The following DGCR2 variants were observed in gnomAD, a reference collection of about 807,000 sequenced individuals.
The protein encoded by DGCR2 is DiGeorge syndrome critical region gene 2.
In DGCR2, 24 loss-of-function variants were observed where a neutral mutation model predicts 51.6. The observed-to-expected ratio is 0.47, with a 90% CI of 0.34 to 0.65. The LOEUF (loss-of-function observed/expected upper bound fraction) is 0.65. Among genes scored for constraint, DGCR2 ranks in the 30% least tolerant of loss-of-function variants. The pLI, the probability that DGCR2 is intolerant of heterozygous loss-of-function variation, is 0.01. For synonymous variants in DGCR2, 340 were observed against 315.4 expected (o/e 1.08, Z -0.82); for missense variants, 765 against 772.1 (o/e 0.99, Z 0.11).
intron 5 of DGCR2, among the ~76,000 whole-genome samples, chr22:19,059,935 C>CA (rs1180903851): frequency 1.3e-5 from 2 of 152,158 alleles, no homozygotes; most frequent in African/African-American, 4.8e-5. Flanking sequence ...GACCTTCACT[C>CA]ACTTTTCTGA....
intron 3 of DGCR2, 82 bp from the exon 4 acceptor site, chr22:19,065,149 C>T: frequency 1.6e-6 from 2 of 1,219,360 alleles, no homozygotes. Flanking sequence ...CAGGGACAGG[C>T]ACACCTTGTA....
At chr22:19,056,893 C>T (rs2082609665) in intron 6 of DGCR2, 93 bp downstream of exon 6, 1 of 1,383,848 alleles carries the variant, frequency 7.2e-7, no homozygotes, top group African/African-American at 1.5e-5. Context: ...CACTGCAAAT[C>T]AGGTTCTGCC....
chr22:19,041,249 C>T lies in DGCR2; in HGVS notation c.1205G>A (p.Gly402Asp). ...LGRRIPGFDY[G>D]PDGFGTGLTP... ...GAGGCCCGTGCCAAACCCGTCTGGGCCGTAATCAAAGCCAGGGATCCTGCG... is the reference window on the plus strand; with the variant it reads ...GAGGCCCGTGCCAAACCCGTCTGGGTCGTAATCAAAGCCAGGGATCCTGCG... Residue 402 changes from glycine (G) to aspartate (D), a missense_variant, in exon 9 of 10, where the codon GGC (glycine) becomes GAC (aspartate). Coordinates refer to ENST00000263196, the MANE Select transcript of DGCR2 (RefSeq NM_005137.3). The T allele has an allele frequency of 6.2e-7, 1 of 1,614,072 alleles. No individual in the cohort carries two copies. Among genetic ancestry groups the T allele is most frequent in the Non-Finnish European group, 8.5e-7 (1 of 1,180,000 alleles).
intron 2 of DGCR2, among the ~76,000 whole-genome samples, chr22:19,086,834 C>T (rs1345358804): frequency 1.3e-5 from 2 of 152,168 alleles, no homozygotes; most frequent in Non-Finnish European, 2.9e-5. Context: ...GCCATGTGGT[C>T]AAGAGAAATA....
chr22:19,115,753 G>A (rs763812905), intron 1 of DGCR2, among the ~76,000 whole-genome samples: 18 of 152,202 alleles, frequency 1.2e-4, no homozygotes, highest in African/African-American at 1.7e-4. Context: ...GGGGCTCTCA[G>A]CAAGTCATAC....
At chr22:19,103,643 T>C (rs1208840731) in intron 1 of DGCR2, among the ~76,000 whole-genome samples, 1 of 148,090 alleles carries the variant, frequency 6.8e-6, no homozygotes, top group Non-Finnish European at 1.5e-5. Flanking sequence ...TTAGCCAGGA[T>C]GGTCTTGATC....
Position 19,122,397 on chromosome 22 carries a change from C to T in DGCR2, c.-191G>A, listed in dbSNP as rs923964937. 1.6e-5 allele frequency: 7 copies of T among 426,800 alleles called. No homozygotes were observed. The highest frequency in any genetic ancestry group is 2.9e-5 in the Non-Finnish European group (7 of 241,934). 26.4% of individuals were successfully genotyped at this position (426,800 alleles called of 1,614,324 possible). A position where few individuals can be genotyped will look rare whatever the true frequency, so the allele number is the denominator to read the frequency against. ...CGGCTGCAACCTCAGGCACCGACTC[C>T]AGCTGCGCGCAAGATGGCGGCCGTC... On this transcript the variant is annotated 5_prime_UTR_variant, in exon 1 of 10. Coordinates refer to ENST00000263196, the MANE Select transcript of DGCR2 (RefSeq NM_005137.3).
chr22:19,041,823 G>A lies in DGCR2; in HGVS notation c.1143C>T (p.Ser381=). Residue 381 remains serine (S), a synonymous_variant, in exon 8 of 10, where the codon TCC becomes TCT. Coordinates refer to ENST00000263196, the MANE Select transcript of DGCR2 (RefSeq NM_005137.3). ...LRQRRRERIE[S]LIGANLHHFN... ...GGCACTTACAGTTTGCTCCAATCAG[G>A]GACTCGATGCGCTCCCGGCGCCGCT... 1 of 1,612,408 alleles carries A rather than the reference G, an allele frequency of 6.2e-7. No homozygotes were observed. The highest frequency in any genetic ancestry group is 8.5e-7 in the Non-Finnish European group (1 of 1,179,818).
chr22:19,115,317 C>G (rs1421502146), intron 1 of DGCR2, among the ~76,000 whole-genome samples: 1 of 152,220 alleles, frequency 6.6e-6, no homozygotes, highest in Non-Finnish European at 1.5e-5. Flanking sequence ...CCCTCCACCC[C>G]AGGCTGGGCA....
chr22:19,103,870 AC>A (rs1223735179), intron 1 of DGCR2, among the ~76,000 whole-genome samples: 4 of 151,522 alleles, frequency 2.6e-5, no homozygotes, highest in Non-Finnish European at 5.9e-5. Flanking sequence ...ACATAGCCAG[AC>A]CCTGACTCTA....
At chr22:19,118,089 C>T (rs762211953) in intron 1 of DGCR2, among the ~76,000 whole-genome samples, 1 of 152,048 alleles carries the variant, frequency 6.6e-6, no homozygotes, top group Non-Finnish European at 1.5e-5. Flanking sequence ...GGACTCCAGC[C>T]GGGGAGAGGT....
intron 8 of DGCR2, 40 bp downstream of exon 8, chr22:19,041,767 G>A (rs2082434004): frequency 6.3e-7 from 1 of 1,595,106 alleles, no homozygotes; most frequent in South Asian, 1.1e-5. Flanking sequence ...ACCTGGGGTG[G>A]GGATGGGGAC....
At chr22:19,075,396 G>A (rs565132943) in intron 2 of DGCR2, among the ~76,000 whole-genome samples, 3 of 151,648 alleles carry the variant, frequency 2.0e-5, no homozygotes, top group Non-Finnish European at 4.4e-5. Context: ...GCAGTGAGCC[G>A]AGATCGTGCC....
chr22:19,104,039 A>G (rs1041808218), intron 1 of DGCR2, among the ~76,000 whole-genome samples: 1 of 151,802 alleles, frequency 6.6e-6, no homozygotes, highest in Non-Finnish European at 1.5e-5. Context: ...GAGAGAGAGA[A>G]AAAAAGAGAG....
At chr22:19,108,776 C>T (rs1227006131) in intron 1 of DGCR2, among the ~76,000 whole-genome samples, 1 of 151,264 alleles carries the variant, frequency 6.6e-6, no homozygotes. Context: ...GAACCTCACA[C>T]TTTGGGAGGC....
chr22:19,077,716 C>CA (rs796181727), intron 2 of DGCR2, among the ~76,000 whole-genome samples: 12 of 151,464 alleles, frequency 7.9e-5, no homozygotes, highest in African/African-American at 2.4e-4. Flanking sequence ...TCTACTTCAG[C>CA]AAAAAAAACT....
intron 1 of DGCR2, among the ~76,000 whole-genome samples, chr22:19,097,875 T>C (rs1213792723): frequency 6.6e-6 from 1 of 152,018 alleles, no homozygotes; most frequent in African/African-American, 2.4e-5. Flanking sequence ...CTGTGCACCC[T>C]GAGGCAGAAA....
chr22:19,070,799 C>T (rs1005648580), intron 2 of DGCR2, among the ~76,000 whole-genome samples: 13 of 152,246 alleles, frequency 8.5e-5, no homozygotes, highest in African/African-American at 2.9e-4. Flanking sequence ...ACATTCATCC[C>T]CTCACCCCCA....
At chr22:19,049,826 CA>C (rs538842818) in intron 6 of DGCR2, among the ~76,000 whole-genome samples, 23,142 of 110,148 alleles carry the variant, frequency 0.21, 1,684 homozygotes, top group South Asian at 0.35. Flanking sequence ...GACTCTGTCT[CA>C]AAAAAAAAAA....
Sources: gnomAD v4.1 joint callset for allele counts (sites outside exome capture counted in the v4.1 genomes callset) on GRCh38, gnomAD v4.1.1 for gene constraint, MANE v1.5 for transcripts, NCBI Gene and HGNC (gene_info 2026-07-23, HGNC 2026-07-21) for gene names.